The following FAM184A variants were observed in gnomAD, a reference collection of about 807,000 sequenced individuals.
The protein encoded by FAM184A is family with sequence similarity 184 member A.
In FAM184A, 99 loss-of-function variants were observed where a neutral mutation model predicts 143.8. That is an observed-to-expected ratio of 0.69 (90% CI 0.58 to 0.81). FAM184A has a LOEUF of 0.81. Among genes scored for constraint, FAM184A ranks in the 40% least tolerant of loss-of-function variants. The probability of loss-of-function intolerance (pLI) is 0.00; values close to 1 mark genes in which losing one functional copy is unlikely to be tolerated. For synonymous variants in FAM184A, 427 were observed against 446.4 expected (o/e 0.96, Z 0.55); for missense variants, 1,217 against 1,310.5 (o/e 0.93, Z 1.10).
At chr6:119,002,849 A>G (rs1784803739) in intron 9 of FAM184A, 50 bp downstream of exon 9, 1 of 1,458,354 alleles carries the variant, frequency 6.9e-7, no homozygotes, top group Non-Finnish European at 9.1e-7. Flanking sequence ...TTGCCTAGCC[A>G]GAGAATGTCA....
intron 1 of FAM184A, among the ~76,000 whole-genome samples, chr6:119,121,663 T>A (rs1015644836): frequency 2.0e-5 from 3 of 152,198 alleles, no homozygotes; most frequent in Non-Finnish European, 4.4e-5. Flanking sequence ...GTCAGTTGAG[T>A]GATTATTTGG....
At chr6:119,147,011 C>T (rs996041313) in intron 1 of FAM184A, among the ~76,000 whole-genome samples, 3 of 151,818 alleles carry the variant, frequency 2.0e-5, no homozygotes, top group Admixed American at 6.6e-5. Context: ...AGCCAGGGCC[C>T]CAAACCCTAG....
chr6:119,084,083 G>GAA (rs1788146883), intron 1 of FAM184A, among the ~76,000 whole-genome samples: 1 of 148,114 alleles, frequency 6.8e-6, no homozygotes, highest in African/African-American at 2.6e-5. Flanking sequence ...GCAGGAGAGA[G>GAA]AGAGAGAGAA....
chr6:118,989,310 C>A (rs1784291282), intron 9 of FAM184A, among the ~76,000 whole-genome samples: 1 of 151,986 alleles, frequency 6.6e-6, no homozygotes, highest in Admixed American at 6.6e-5. Context: ...ACATACCCCT[C>A]CCTCCCTCCT....
chr6:119,110,011 C>CT (rs1044205950), intron 1 of FAM184A, among the ~76,000 whole-genome samples: 42 of 152,264 alleles, frequency 2.8e-4, no homozygotes, highest in Admixed American at 1.2e-3. Flanking sequence ...ACTATCTATC[C>CT]ATCTCACCTG....
At chr6:119,063,769 G>A (rs1276071895) in intron 1 of FAM184A, among the ~76,000 whole-genome samples, 4 of 151,972 alleles carry the variant, frequency 2.6e-5, no homozygotes, top group Non-Finnish European at 4.4e-5. Context: ...AAAAAAATGC[G>A]TCTTATTTTA....
chr6:119,135,116 T>C (rs184832013), intron 1 of FAM184A, among the ~76,000 whole-genome samples: 125 of 152,310 alleles, frequency 8.2e-4, no homozygotes, highest in African/African-American at 2.9e-3. Flanking sequence ...GATAAACTAA[T>C]TGTGGTATAC....
rs374725909 is a variant in FAM184A at position 118,964,675 on chromosome 6, A to G, written c.3130T>C (p.Leu1044=). ...GTGTTTACGGCACATACCTTAGCCA[A>G]TGGATTAATAACACCAACAGTAGGA... ...SSPTVGVINP[L]AKQKKKNDKS... is the part of the protein sequence containing the mutation. Residue 1044 remains leucine (L), a synonymous_variant, in exon 16 of 18, where the codon TTG becomes CTG. Coordinates refer to ENST00000338891, the MANE Select transcript of FAM184A (RefSeq NM_024581.6). 4 of 1,583,682 alleles carry G rather than the reference A, an allele frequency of 2.5e-6. No homozygotes were observed. The highest frequency in any genetic ancestry group is 1.3e-5 in the African/African-American group (1 of 74,166).
intron 1 of FAM184A, among the ~76,000 whole-genome samples, chr6:119,089,201 T>TATTC (rs1398061587): frequency 3.4e-5 from 5 of 149,024 alleles, no homozygotes; most frequent in African/African-American, 5.1e-5. Flanking sequence ...TTTATTTATT[T>TATTC]ATTTATTTTT....
chr6:118,982,247 C>T (rs1197072802), intron 9 of FAM184A, among the ~76,000 whole-genome samples: 5 of 152,252 alleles, frequency 3.3e-5, no homozygotes, highest in African/African-American at 1.2e-4. Context: ...TTTGTGAACA[C>T]TGATTTGTAA....
chr6:119,058,493 G>A (rs756631825), intron 1 of FAM184A, among the ~76,000 whole-genome samples: 5 of 152,034 alleles, frequency 3.3e-5, no homozygotes, highest in Non-Finnish European at 5.9e-5. Context: ...GTGAGCCACC[G>A]TGCCCAGCCC....
chr6:119,002,999 T>A lies in FAM184A; in HGVS notation c.1988A>T (p.Asp663Val). 1 of 1,612,878 alleles carries A rather than the reference T, an allele frequency of 6.2e-7. No individual in the cohort carries two copies. The change falls in exon 9 of 18, where the codon GAT becomes GTT. Residue 663 changes from aspartate (D) to valine (V), a missense_variant. Physicochemically the swap from Asp to Val is radical, Grantham distance 152. Coordinates refer to ENST00000338891, the MANE Select transcript of FAM184A (RefSeq NM_024581.6). ...AAGTTGAGACATTGCTGACTTCTTA[T>A]CCTCTTCATGTTGAAGCCTTAACTC... Reference protein sequence around the residue: ...REELRLQHEEDKKSAMSQLLQ... With the variant: ...REELRLQHEEVKKSAMSQLLQ...
At chr6:119,028,164 T>C (rs544538225) in intron 1 of FAM184A, among the ~76,000 whole-genome samples, 2 of 152,218 alleles carry the variant, frequency 1.3e-5, no homozygotes, top group African/African-American at 4.8e-5. Context: ...GATTTGAGCA[T>C]TTAGCTGGCT....
At chr6:118,960,859 G>A (rs866932276) in intron 17 of FAM184A, 58 of 1,359,788 alleles carry the variant, frequency 4.3e-5, no homozygotes, top group Non-Finnish European at 5.6e-5. Flanking sequence ...GCATCTTACT[G>A]ATACCTGAAC....
intron 15 of FAM184A, among the ~76,000 whole-genome samples, chr6:118,964,977 C>A (rs185184863): frequency 1.3e-5 from 2 of 152,252 alleles, no homozygotes; most frequent in East Asian, 3.9e-4. Flanking sequence ...ACCCCATACC[C>A]GAGCACTTGA....
intron 1 of FAM184A, among the ~76,000 whole-genome samples, chr6:119,107,267 A>T (rs1343197598): frequency 1.3e-5 from 2 of 152,196 alleles, no homozygotes; most frequent in African/African-American, 4.8e-5. Context: ...ACTTATGTTT[A>T]CTAATATTAT....
intron 1 of FAM184A, among the ~76,000 whole-genome samples, chr6:119,069,827 A>G (rs918970766): frequency 9.9e-5 from 15 of 152,164 alleles, no homozygotes; most frequent in African/African-American, 3.1e-4. Flanking sequence ...AAAATAATTC[A>G]TTCTCTAATA....
intron 1 of FAM184A, among the ~76,000 whole-genome samples, chr6:119,099,353 T>C (rs968291282): frequency 6.6e-6 from 1 of 152,168 alleles, no homozygotes; most frequent in Non-Finnish European, 1.5e-5. Flanking sequence ...ACTATTACTG[T>C]CCTGCTTGTT....
intron 4 of FAM184A, among the ~76,000 whole-genome samples, chr6:119,018,737 C>T (rs759860197): frequency 1.1e-4 from 17 of 151,996 alleles, no homozygotes; most frequent in Non-Finnish European, 7.4e-5. Flanking sequence ...AGCAATGACA[C>T]GTGCCTAAAC....
Sources: allele counts gnomAD v4.1 joint callset (sites outside exome capture counted in the v4.1 genomes callset), GRCh38; gene constraint gnomAD v4.1.1; transcripts MANE v1.5; gene names NCBI Gene and HGNC (gene_info 2026-07-23, HGNC 2026-07-21).